The following MAPK8IP3 variants were observed in gnomAD, a reference collection of about 807,000 sequenced individuals.
MAPK8IP3 encodes the protein mitogen-activated protein kinase 8 interacting protein 3, also known as C-Jun-amino-terminal kinase-interacting protein 3.
A neutral mutation model predicts 157.8 loss-of-function variants in MAPK8IP3; 49 were observed. The observed-to-expected ratio is 0.31, with a 90% CI of 0.25 to 0.39. The LOEUF is 0.39. Among genes scored for constraint, MAPK8IP3 ranks in the 10% least tolerant of loss-of-function variants. The pLI is 1.00. For missense variants in MAPK8IP3, 1,478 were observed against 1,889.4 expected (o/e 0.78, Z 4.04); for synonymous variants, 897 against 777.7 (o/e 1.15, Z -2.55).
At chr16:1,717,580 G>A (rs1272123034) in intron 1 of MAPK8IP3, among the ~76,000 whole-genome samples, 1 of 152,180 alleles carries the variant, frequency 6.6e-6, no homozygotes, top group Admixed American at 6.5e-5. Flanking sequence ...TCAAATACAC[G>A]CTGCCCTGCA....
Position 1,743,401 on chromosome 16 carries a change from G to A in MAPK8IP3, c.672G>A (p.Gly224=). The A allele has an allele frequency of 1.9e-6, 3 of 1,609,894 alleles. No individual in the cohort carries two copies. Among genetic ancestry groups the A allele is most frequent in the Non-Finnish European group, 2.5e-6 (3 of 1,178,486 alleles). The stretch of plus-strand genomic sequence containing the variant: ...ACGGCACGGTACGTGCACAGATCGG[G>A]GGCAAGCTCGTGCCTGCGGGGGACC... ...LADGTVRAQI[G]GKLVPAGDHW... Residue 224 remains glycine, a synonymous_variant, in exon 5 of 32, where the codon GGG becomes GGA. Transcript: ENST00000610761. The surrounding 1 kb of genome is among the most constrained non-coding windows in gnomAD (Gnocchi z 5.6).
At position 1,740,093 on chromosome 16, in the gene MAPK8IP3, C is replaced by T. The variant is rs371247203; in HGVS notation, c.603-3239C>T. Reference sequence around the variant, plus strand: ...GAGCGTGAGCATCCGTGTGACCGTCCGTGTGAGCATCCCTGTGACCGTCCG... The same window carrying T: ...GAGCGTGAGCATCCGTGTGACCGTCTGTGTGAGCATCCCTGTGACCGTCCG... On this transcript the variant is annotated intron_variant, in intron 4 of 31. Coordinates refer to ENST00000610761, the MANE Select transcript of MAPK8IP3 (RefSeq NM_001318852.2). 7.3e-3 allele frequency among the ~76,000 whole-genome samples: 840 copies of T among 115,544 alleles called. 14 individuals carry two copies. Among genetic ancestry groups the T allele is most frequent in the African/African-American group, 0.028 (787 of 28,442 alleles). The allele number at this position is 115,544 out of a possible 152,430, so 75.8% of individuals were successfully genotyped here.
At chr16:1,748,487 G>A (rs2041102132) in intron 7 of MAPK8IP3, 115 bp from the exon 8 acceptor site, 1 of 1,130,094 alleles carries the variant, frequency 8.8e-7, no homozygotes, top group African/African-American at 1.5e-5. Context: ...CCGGCCTGCA[G>A]GGCAGTGTGG....
rs1403716069 is a variant in MAPK8IP3, at chr16:1,764,168, G to A, written c.2079G>A (p.Pro693=). The change falls in exon 18 of 32, where the codon CCG becomes CCA. Residue 693 remains proline (P), a synonymous_variant. Coordinates refer to ENST00000610761, the MANE Select transcript of MAPK8IP3 (RefSeq NM_001318852.2). The part of the protein sequence containing the change: ...EDTRMKNVPV[P]VYCRPLVEKD... ...CGCGGATGAAGAACGTGCCGGTGCCGGTGTACTGCCGCCCTCTGGTGGAGA... is the reference window on the plus strand; with the variant it reads ...CGCGGATGAAGAACGTGCCGGTGCCAGTGTACTGCCGCCCTCTGGTGGAGA... 3.1e-6 allele frequency: 5 copies of A among 1,611,796 alleles called. No homozygotes were observed. Among genetic ancestry groups the A allele is most frequent in the Middle Eastern group, 3.3e-4 (2 of 5,992 alleles).
intron 17 of MAPK8IP3, 166 bp downstream of exon 17, chr16:1,763,949 G>T (rs1459795320): frequency 9.5e-7 from 1 of 1,056,180 alleles, no homozygotes; most frequent in East Asian, 2.6e-5. Flanking sequence ...CCTGGGCAGG[G>T]GTCTGGAGGG....
At chr16:1,767,469 G>A in intron 26 of MAPK8IP3, 95 bp from the exon 27 acceptor site, 2 of 1,520,268 alleles carry the variant, frequency 1.3e-6, no homozygotes, top group Non-Finnish European at 9.0e-7. Flanking sequence ...GAGGTCTGAG[G>A]GGACTGCAGG....
In MAPK8IP3 at chr16:1,768,809, C is replaced by T. The variant is rs1200944801; in HGVS notation, c.3999C>T (p.Ser1333=). ...GTCACATCATCGTGTGGCAGGTGTC[C>T]TACACCCCCGAGTGAAGCTGCTGCC... ...ERSHIIVWQV[S]YTPE Residue 1333 remains serine, a synonymous_variant, in exon 32 of 32, where the codon TCC becomes TCT. Coordinates refer to ENST00000610761, the MANE Select transcript of MAPK8IP3 (RefSeq NM_001318852.2). 16 of 1,612,366 alleles carry T rather than the reference C, an allele frequency of 9.9e-6. No individual in the cohort carries two copies. The highest frequency in any genetic ancestry group is 1.3e-5 in the Non-Finnish European group (15 of 1,179,764).
intron 4 of MAPK8IP3, among the ~76,000 whole-genome samples, chr16:1,739,308 G>A (rs1264162285): frequency 7.4e-6 from 1 of 135,282 alleles, no homozygotes; most frequent in Non-Finnish European, 1.6e-5. Flanking sequence ...GACCGTCCGT[G>A]TGAGTGTGTG....
chr16:1,715,064 G>A (rs1457961701), intron 1 of MAPK8IP3, among the ~76,000 whole-genome samples: 1 of 151,924 alleles, frequency 6.6e-6, no homozygotes, highest in Non-Finnish European at 1.5e-5. Flanking sequence ...TAGTAAGACA[G>A]ATGGGAAATA....
intron 10 of MAPK8IP3, among the ~76,000 whole-genome samples, chr16:1,759,253 CCTGCCTGTGGG>C (rs2041798006): frequency 1.7e-5 from 2 of 119,544 alleles, no homozygotes; most frequent in African/African-American, 8.4e-5. Flanking sequence ...CCGGGCAGAC[CCTGCCTGTGGG>C]GAGGAAGGCC....
At chr16:1,727,310 C>T (rs973513098) in intron 2 of MAPK8IP3, among the ~76,000 whole-genome samples, 13 of 146,378 alleles carry the variant, frequency 8.9e-5, no homozygotes, top group Admixed American at 8.9e-4. Context: ...GTGTGAGTGT[C>T]GTGTGCTGTG....
chr16:1,706,221 C>A lies in MAPK8IP3; in HGVS notation c.-119C>A. 2 of 915,132 alleles carry A rather than the reference C, an allele frequency of 2.2e-6. No homozygotes were observed. The highest frequency in any genetic ancestry group is 3.0e-6 in the Non-Finnish European group (2 of 669,934). The allele number at this position is 915,132 out of a possible 1,614,324, so 56.7% of individuals were successfully genotyped here. ...GCCTCGGCAGCGGCGGCGGCGGAGC[C>A]CTGAGGCGACAGCAGCTGCGGGAGG... On this transcript the variant is annotated 5_prime_UTR_variant, in exon 1 of 32. Coordinates refer to ENST00000610761, the MANE Select transcript of MAPK8IP3 (RefSeq NM_001318852.2). This position sits in a 1 kb window ranked among gnomAD's most constrained non-coding sequence, Gnocchi z 5.1.
In MAPK8IP3 at chr16:1,724,325, A is replaced by G. The variant is rs2038727360; in HGVS notation, c.319-232A>G. Among the ~76,000 whole-genome samples, 1 of 152,212 alleles carries G rather than the reference A, an allele frequency of 6.6e-6. No homozygotes were observed. The highest frequency in any genetic ancestry group is 2.4e-5 in the African/African-American group (1 of 41,458). ...CCGGGAGAGGAGGGTGCAATCATGC[A>G]GTCCTGGAGGGCTCTCCCGCCCTGC... On this transcript the variant is annotated intron_variant, in intron 1 of 31. Transcript: ENST00000610761. The surrounding 1 kb of genome is among the most constrained non-coding windows in gnomAD (Gnocchi z 4.1).
rs973828512 is a variant in MAPK8IP3 at position 1,765,795 on chromosome 16, G to A, written c.2447-165G>A. ...GGCTTGCTGGAGTCCCAGACCTCCA[G>A]GCAGAGGGTCGTGGGTGGGCTGTGG... On this transcript the variant is annotated intron_variant, in intron 20 of 31. Coordinates refer to ENST00000610761, the MANE Select transcript of MAPK8IP3 (RefSeq NM_001318852.2). 2.6e-5 allele frequency among the ~76,000 whole-genome samples: 4 copies of A among 152,368 alleles called. No individual in the cohort carries two copies. In the East Asian group the frequency reaches 7.7e-4, roughly 29 times the overall value.
intron 1 of MAPK8IP3, among the ~76,000 whole-genome samples, chr16:1,715,275 A>G (rs1325342823): frequency 3.9e-5 from 6 of 152,124 alleles, no homozygotes; most frequent in Non-Finnish European, 1.5e-5. Flanking sequence ...TGAATGGAGA[A>G]ATGTCCTTCC....
At chr16:1,764,482 G>A in intron 19 of MAPK8IP3, 23 bp downstream of exon 19, 4 of 1,604,670 alleles carry the variant, frequency 2.5e-6, no homozygotes, top group Non-Finnish European at 3.4e-6. Flanking sequence ...GAGGCCACCG[G>A]GCACCCTCCC....
At chr16:1,721,944 T>C (rs1237128698) in intron 1 of MAPK8IP3, among the ~76,000 whole-genome samples, 3 of 151,710 alleles carry the variant, frequency 2.0e-5, no homozygotes, top group African/African-American at 7.3e-5. Context: ...TAATTTTTTT[T>C]ATTTTTAGTA....
intron 8 of MAPK8IP3, chr16:1,752,617 G>A (rs564018880): frequency 3.0e-4 from 80 of 263,596 alleles, no homozygotes; most frequent in African/African-American, 1.7e-3. Context: ...GCATGGTGGT[G>A]TGCACCTGTA....
In MAPK8IP3 at chr16:1,763,711, G is replaced by C; in HGVS notation, c.1953G>C (p.Val651=). ...AGAAGCGCGAGCAGTACCGCCAGGTGCGTGAGCACGTGCGTAACGACGACG... is the reference window on the plus strand; with the variant it reads ...AGAAGCGCGAGCAGTACCGCCAGGTCCGTGAGCACGTGCGTAACGACGACG... The part of the protein sequence containing the change: ...REQKREQYRQ[V]REHVRNDDGR... The change falls in exon 17 of 32, where the codon GTG becomes GTC. Residue 651 remains valine (V), a synonymous_variant. Coordinates refer to ENST00000610761, the MANE Select transcript of MAPK8IP3 (RefSeq NM_001318852.2). 1 of 1,596,954 alleles carries C rather than the reference G, an allele frequency of 6.3e-7. No homozygotes were observed. The highest frequency in any genetic ancestry group is 8.5e-7 in the Non-Finnish European group (1 of 1,170,834).
Sources: gnomAD v4.1 joint callset for allele counts (sites outside exome capture counted in the v4.1 genomes callset) on GRCh38, gnomAD v4.1.1 for gene constraint, Gnocchi (gnomAD v3.1) non-coding constraint, MANE v1.5 for transcripts, NCBI Gene and HGNC (gene_info 2026-07-23, HGNC 2026-07-21) for gene names.